The following FBRSL1 variants were observed in gnomAD, a reference collection of about 807,000 sequenced individuals.
FBRSL1 encodes fibrosin like 1, also known as fibrosin-1-like protein.
Under a neutral mutation model 89.6 loss-of-function variants are expected in FBRSL1, and 51 were observed. The observed-to-expected ratio is 0.57, with a 90% CI of 0.45 to 0.72. FBRSL1 has a LOEUF of 0.72. Ranked by LOEUF, FBRSL1 falls within the 30% of genes least tolerant of loss-of-function variation. FBRSL1 has a pLI of 0.00. For missense variants in FBRSL1, 1,618 were observed against 1,451.8 expected, an observed-to-expected ratio of 1.11 and a Z score of -1.86; for synonymous variants, 779 against 681.1, an observed-to-expected ratio of 1.14 and a Z score of -2.24.
In FBRSL1 at chr12:132,572,608, G is replaced by A. The variant is rs1281892390; in HGVS notation, c.1516G>A (p.Ala506Thr). Residue 506 changes from alanine to threonine, a missense_variant, in exon 11 of 19, where the codon GCT becomes ACT. By Grantham distance (58) the Ala-to-Thr change is moderately conservative. Transcript: ENST00000680143. ...CGGCCCCTTCGGGTCCCTGCAGGGCGCTTTTCAGCCTAAGGTACCGCTGCC... is the reference window on the plus strand; with the variant it reads ...CGGCCCCTTCGGGTCCCTGCAGGGCACTTTTCAGCCTAAGGTACCGCTGCC... The part of the protein sequence containing the change: ...HPGPFGSLQG[A>T]FQPKTSSPIE... 15 of 1,550,256 alleles carry A rather than the reference G, an allele frequency of 9.7e-6. No individual in the cohort carries two copies. Among genetic ancestry groups the A allele is most frequent in the Middle Eastern group, 3.3e-4 (2 of 5,984 alleles).
chr12:132,526,513 G>A (rs536370169), intron 3 of FBRSL1, among the ~76,000 whole-genome samples: 2 of 152,290 alleles, frequency 1.3e-5, no homozygotes, highest in East Asian at 1.9e-4. Context: ...CTGGGAGCTG[G>A]CGGGTGGGCC....
At position 132,532,447 on chromosome 12, in the gene FBRSL1, C is replaced by T. The variant is rs1270266156; in HGVS notation, c.615+4459C>T. Among the ~76,000 whole-genome samples the T allele has an allele frequency of 2.0e-5, 3 of 152,208 alleles. No individual in the cohort carries two copies. The East Asian group carries it at 5.8e-4, about 29-fold the overall frequency. On this transcript the variant is annotated intron_variant, in intron 4 of 18. Coordinates refer to ENST00000680143, the MANE Select transcript of FBRSL1 (RefSeq NM_001367871.1). ...GAAGAGCCATCTGCCTGGCTATGCC[C>T]ACATGCCCTACTCTGCCCCCAGTAG...
rs890560423 is a variant in FBRSL1 at position 132,548,601 on chromosome 12, G to A, written c.645+569G>A. Among the ~76,000 whole-genome samples, 19 of 152,358 alleles carry A rather than the reference G, an allele frequency of 1.2e-4. 2 individuals carry two copies. The highest frequency in any genetic ancestry group is 4.3e-4 in the African/African-American group (18 of 41,592). ...CCCTCAGCCTCGGAGCAGCCTCCGG[G>A]GGGGCTCTCCTTCTGCCCCGCTTGC... On this transcript the variant is annotated intron_variant, in intron 5 of 18. Coordinates refer to ENST00000680143, the MANE Select transcript of FBRSL1 (RefSeq NM_001367871.1).
In FBRSL1 at chr12:132,569,918, C is replaced by A; in HGVS notation, c.692-8C>A. 7 of 1,385,860 alleles carry A rather than the reference C, an allele frequency of 5.1e-6. No homozygotes were observed. The South Asian group carries it at 8.2e-5, about 16-fold the overall frequency. The allele number at this position is 1,385,860 out of a possible 1,614,324, so 85.8% of individuals were successfully genotyped here. On this transcript the variant is annotated splice_polypyrimidine_tract_variant and splice_region_variant and intron_variant, in intron 6 of 18. Coordinates refer to ENST00000680143, the MANE Select transcript of FBRSL1 (RefSeq NM_001367871.1). ...GCTGGTCTGAACGCAGCCACCCTCT[C>A]TCTGCAGGCCCAGCGCTTGAGAAGT...
intron 1 of FBRSL1, 67 bp from the exon 2 acceptor site, chr12:132,508,086 G>T: frequency 1.4e-6 from 2 of 1,428,400 alleles, no homozygotes; most frequent in Non-Finnish European, 9.5e-7. Context: ...TGCTCAGGTG[G>T]GTGCTGTCCT....
chr12:132,556,799 GCACCCC>G (rs560602662), intron 5 of FBRSL1, among the ~76,000 whole-genome samples: 36 of 101,528 alleles, frequency 3.5e-4, no homozygotes, highest in African/African-American at 1.6e-3. Context: ...CCTTCGTGCT[GCACCCC>G]CCTCCACCCA....
intron 15 of FBRSL1, among the ~76,000 whole-genome samples, chr12:132,580,515 C>T (rs1376693930): frequency 6.6e-6 from 1 of 152,202 alleles, no homozygotes; most frequent in Non-Finnish European, 1.5e-5. Context: ...AATTCCTCAG[C>T]CTCTCCCAGT....
At chr12:132,496,051 A>G (rs912931934) in intron 1 of FBRSL1, among the ~76,000 whole-genome samples, 1 of 152,206 alleles carries the variant, frequency 6.6e-6, no homozygotes, top group Admixed American at 6.5e-5. Context: ...CAGGTTTCCA[A>G]GGCCTTCCTG....
In FBRSL1 at chr12:132,490,734, G is replaced by A; in HGVS notation, c.164G>A (p.Arg55Gln). Residue 55 changes from arginine to glutamine, a missense_variant, in exon 1 of 19, where the codon CGA (arginine) becomes CAA (glutamine). Physicochemically the swap from Arg to Gln is conservative, Grantham distance 43. Transcript: ENST00000680143. The stretch of plus-strand genomic sequence containing the variant: ...GCGGGCCTCCGCGGCGCGCCCCCCC[G>A]AGGCGCCGCCCCCGCGCCCCGCACC... The part of the protein sequence containing the change: ...ENAGLRGAPP[R>Q]GAAPAPRTAR... 3.0e-6 allele frequency: 3 copies of A among 995,508 alleles called. No individual in the cohort carries two copies. The highest frequency in any genetic ancestry group is 3.6e-6 in the Non-Finnish European group (3 of 839,278). 61.7% of individuals were successfully genotyped at this position (995,508 alleles called of 1,614,324 possible).
At position 132,496,449 on chromosome 12, in the gene FBRSL1, C is replaced by G. The variant is rs79719170; in HGVS notation, c.291+5588C>G. 2.6e-5 allele frequency among the ~76,000 whole-genome samples: 4 copies of G among 152,308 alleles called. No homozygotes were observed. The East Asian group carries it at 7.7e-4, about 29-fold the overall frequency. On this transcript the variant is annotated intron_variant, in intron 1 of 18. Coordinates refer to ENST00000680143, the MANE Select transcript of FBRSL1 (RefSeq NM_001367871.1). ...TTTACCCGGGCTTGTGTTTTTGTCA[C>G]TCTGGAAGCCTCGTTTCACTGTGTT...
intron 4 of FBRSL1, among the ~76,000 whole-genome samples, chr12:132,547,587 T>A (rs2037807860): frequency 6.6e-6 from 1 of 152,166 alleles, no homozygotes; most frequent in African/African-American, 2.4e-5. Flanking sequence ...AGGGGGTCAC[T>A]GGGGACAGTG....
chr12:132,506,502 A>G (rs924707436), intron 1 of FBRSL1, among the ~76,000 whole-genome samples: 1 of 152,236 alleles, frequency 6.6e-6, no homozygotes, highest in African/African-American at 2.4e-5. Flanking sequence ...AAATCCCAGC[A>G]CAGTGGTGCC....
chr12:132,507,283 C>T lies in FBRSL1; in HGVS notation c.292-870C>T, dbSNP rs118057084. 21 of 985,626 alleles carry T rather than the reference C, an allele frequency of 2.1e-5. No homozygotes were observed. In the East Asian group the frequency reaches 1.6e-3, roughly 74 times the overall value. 61.1% of individuals were successfully genotyped at this position (985,626 alleles called of 1,614,324 possible). A position where few individuals can be genotyped will look rare whatever the true frequency, so the allele number is the denominator to read the frequency against. ...CCTCCCCGAGAGGATTCTGTCCTTTCGTGGACGCTTCTCCCTGGCCGGCTG... is the reference window on the plus strand; with the variant it reads ...CCTCCCCGAGAGGATTCTGTCCTTTTGTGGACGCTTCTCCCTGGCCGGCTG... On this transcript the variant is annotated intron_variant, in intron 1 of 18. Transcript: ENST00000680143.
At chr12:132,544,458 A>C (rs1566175104) in intron 4 of FBRSL1, among the ~76,000 whole-genome samples, 1 of 152,172 alleles carries the variant, frequency 6.6e-6, no homozygotes, top group African/African-American at 2.4e-5. Flanking sequence ...CAGGGCTAAG[A>C]GACTCTAAAA....
rs1371424269 is a variant in FBRSL1 at position 132,574,111 on chromosome 12, G to T, written c.1552G>T (p.Ala518Ser). ...QPKTSSPIEV[A>S]RRAGAVHTLL... ...TCAGACTTCAAGCCCCATTGAGGTG[G>T]CCCGCCGGGCTGGTGCGGTTCACAC... The change falls in exon 12 of 19, where the codon GCC becomes TCC. Residue 518 changes from alanine (A) to serine (S), a missense_variant. Ala to Ser is a moderately conservative substitution (Grantham distance 99, BLOSUM62 1). Transcript: ENST00000680143. The T allele has an allele frequency of 3.7e-6, 5 of 1,352,838 alleles. No individual in the cohort carries two copies. In the East Asian group the frequency reaches 1.5e-4, roughly 40 times the overall value. 83.8% of individuals were successfully genotyped at this position (1,352,838 alleles called of 1,614,324 possible).
intron 8 of FBRSL1, 77 bp downstream of exon 8, chr12:132,570,617 C>T (rs2039945480): frequency 8.0e-7 from 1 of 1,250,256 alleles, no homozygotes; most frequent in Middle Eastern, 2.8e-4. Context: ...GAGGGGCGCA[C>T]AGCCTGGCCC....
chr12:132,538,926 G>A (rs1025229855), intron 4 of FBRSL1, among the ~76,000 whole-genome samples: 23 of 152,216 alleles, frequency 1.5e-4, no homozygotes, highest in Admixed American at 2.0e-4. Context: ...TCAGTGTGGC[G>A]GGGCCCTGAC....
chr12:132,561,007 G>C (rs1044343813), intron 5 of FBRSL1, among the ~76,000 whole-genome samples: 1 of 152,216 alleles, frequency 6.6e-6, no homozygotes, highest in Non-Finnish European at 1.5e-5. Flanking sequence ...AGCCCCAGAA[G>C]GTGCAGCTGC....
Position 132,546,559 on chromosome 12 carries a change from G to A in FBRSL1, c.616-1444G>A, listed in dbSNP as rs1398688103. 2.6e-5 allele frequency among the ~76,000 whole-genome samples: 4 copies of A among 151,860 alleles called. No homozygotes were observed. On this transcript the variant is annotated intron_variant, in intron 4 of 18. Coordinates refer to ENST00000680143, the MANE Select transcript of FBRSL1 (RefSeq NM_001367871.1). The surrounding 1 kb of genome is among the most constrained non-coding windows in gnomAD (Gnocchi z 4.0). ...CCACGGCTGAAAGGCCAGACCGGGG[G>A]GACCCTAGGAGAGGGCTTGGCCACG...
Sources: allele counts gnomAD v4.1 joint callset (sites outside exome capture counted in the v4.1 genomes callset), GRCh38; gene constraint gnomAD v4.1.1; non-coding constraint Gnocchi (gnomAD v3.1); transcripts MANE v1.5; gene names NCBI Gene and HGNC (gene_info 2026-07-23, HGNC 2026-07-21).